SEMA3A: variants seen among roughly 807,000 people sequenced by gnomAD.
SEMA3A encodes the protein semaphorin 3A.
A neutral mutation model predicts 97.9 loss-of-function variants in SEMA3A; 29 were observed. The observed-to-expected ratio is 0.30, with a 90% CI of 0.22 to 0.40. SEMA3A has a LOEUF of 0.40. Ranked by LOEUF, SEMA3A falls within the 10% of genes least tolerant of loss-of-function variation. The pLI, the probability that SEMA3A is intolerant of heterozygous loss-of-function variation, is 1.00. For missense variants in SEMA3A, 763 were observed against 951.3 expected, an observed-to-expected ratio of 0.80 and a Z score of 2.60; for synonymous variants, 321 against 323.7, an observed-to-expected ratio of 0.99 and a Z score of 0.09.
intron 1 of SEMA3A, among the ~76,000 whole-genome samples, chr7:84,453,793 C>T (rs1449366667): frequency 1.3e-5 from 2 of 152,066 alleles, no homozygotes; most frequent in Non-Finnish European, 2.9e-5. Context: ...AAATTGTTTG[C>T]TAATTTGCAG....
intron 1 of SEMA3A, among the ~76,000 whole-genome samples, chr7:84,416,086 G>A (rs1190467523): frequency 1.3e-5 from 2 of 151,948 alleles, no homozygotes; most frequent in Non-Finnish European, 2.9e-5. Flanking sequence ...AATTTTAAAA[G>A]CCTCTAAAAG....
intron 3 of SEMA3A, among the ~76,000 whole-genome samples, chr7:84,244,433 T>C (rs1000082600): frequency 7.9e-5 from 12 of 152,192 alleles, no homozygotes; most frequent in African/African-American, 2.9e-4. Flanking sequence ...TTGCTTTCCA[T>C]TTGCTTGGTA....
At position 84,299,805 on chromosome 7, in the gene SEMA3A, A is replaced by ATAAAAAACTTACAGCTGGGAGCAGTG. The variant is rs71078822; in HGVS notation, c.-83+7401_-83+7402insCACTGCTCCCAGCTGTAAGTTTTTTA. ...AACAAGCAAACAAATGAATAAGACT[A>ATAAAAAACTTACAGCTGGGAGCAGTG]GATCACCTGAGGTCAGGAGTTTGAG... On this transcript the variant is annotated intron_variant, in intron 3 of 3. Transcript: ENST00000424555. 9.7e-5 allele frequency among the ~76,000 whole-genome samples: 8 copies of ATAAAAAACTTACAGCTGGGAGCAGTG among 82,632 alleles called. 4 individuals carry two copies. Among genetic ancestry groups the ATAAAAAACTTACAGCTGGGAGCAGTG allele is most frequent in the South Asian group, 9.5e-4 (2 of 2,108 alleles). The allele number at this position is 82,632 out of a possible 152,430, so 54.2% of individuals were successfully genotyped here.
chr7:84,066,687 T>A (rs1793515812), intron 4 of SEMA3A, among the ~76,000 whole-genome samples: 1 of 151,004 alleles, frequency 6.6e-6, no homozygotes, highest in Non-Finnish European at 1.5e-5. Context: ...TCAAAGAGAA[T>A]AAAATACCTA....
intron 3 of SEMA3A, among the ~76,000 whole-genome samples, chr7:84,301,400 G>A (rs1801014042): frequency 6.6e-6 from 1 of 152,066 alleles, no homozygotes; most frequent in South Asian, 2.1e-4. Context: ...AATAAGGCCA[G>A]AAAGCCAATG....
chr7:84,116,330 TCTTTTC>T (rs1795429457), intron 3 of SEMA3A, among the ~76,000 whole-genome samples: 1 of 152,228 alleles, frequency 6.6e-6, no homozygotes, highest in African/African-American at 2.4e-5. Flanking sequence ...ACACGTATAC[TCTTTTC>T]CTTTTCTTTC....
chr7:84,341,167 A>G (rs1278671613), intron 2 of SEMA3A, among the ~76,000 whole-genome samples: 1 of 152,204 alleles, frequency 6.6e-6, no homozygotes, highest in African/African-American at 2.4e-5. Context: ...TCATGTAGAC[A>G]TGATTTGCCA....
chr7:84,413,599 G>A (rs1804341882), intron 1 of SEMA3A, among the ~76,000 whole-genome samples: 1 of 152,114 alleles, frequency 6.6e-6, no homozygotes, highest in African/African-American at 2.4e-5. Context: ...TTGCACGCTA[G>A]CCTGGGTGAC....
chr7:84,151,450 C>T (rs964960598), intron 1 of SEMA3A, among the ~76,000 whole-genome samples: 4 of 151,654 alleles, frequency 2.6e-5, no homozygotes, highest in South Asian at 2.1e-4. Flanking sequence ...AATGCAGAAG[C>T]CTCAGGAGCC....
intron 1 of SEMA3A, among the ~76,000 whole-genome samples, chr7:84,437,249 A>C (rs1331889941): frequency 6.6e-6 from 1 of 152,058 alleles, no homozygotes; most frequent in Admixed American, 6.5e-5. Context: ...AAAAAGGAAT[A>C]ATGGAATGAA....
chr7:84,261,308 C>T (rs1412231832), intron 3 of SEMA3A, among the ~76,000 whole-genome samples: 2 of 152,170 alleles, frequency 1.3e-5, no homozygotes, highest in Non-Finnish European at 2.9e-5. Flanking sequence ...TCTTCCTGGA[C>T]ACTGAATGAG....
At chr7:84,075,386 T>C (rs1450313529) in intron 4 of SEMA3A, among the ~76,000 whole-genome samples, 1 of 151,544 alleles carries the variant, frequency 6.6e-6, no homozygotes, top group Non-Finnish European at 1.5e-5. Flanking sequence ...CTTGAACTCC[T>C]GACCTCAGGT....
At chr7:84,400,364 T>G (rs761703837) in intron 1 of SEMA3A, among the ~76,000 whole-genome samples, 4 of 152,164 alleles carry the variant, frequency 2.6e-5, no homozygotes, top group Non-Finnish European at 5.9e-5. Context: ...AATAGCTGTT[T>G]TGAGGAAGCT....
chr7:84,299,858 C>T (rs548239956), intron 3 of SEMA3A, among the ~76,000 whole-genome samples: 66 of 3,428 alleles, frequency 0.019, no homozygotes, highest in South Asian at 0.087. Context: ...GGTGAAACCT[C>T]GTCTCTACTA....
intron 4 of SEMA3A, among the ~76,000 whole-genome samples, chr7:84,072,347 T>G (rs993607597): frequency 6.6e-6 from 1 of 152,156 alleles, no homozygotes; most frequent in East Asian, 1.9e-4. Context: ...GAACATAAAC[T>G]TATTTCTGAT....
At chr7:84,142,422 G>C (rs1442342305) in intron 1 of SEMA3A, among the ~76,000 whole-genome samples, 2 of 152,084 alleles carry the variant, frequency 1.3e-5, no homozygotes, top group African/African-American at 2.4e-5. Flanking sequence ...TTTTTCTCAT[G>C]AGGAAATTGA....
chr7:84,106,849 TGCA>T, intron 4 of SEMA3A, among the ~76,000 whole-genome samples: 1 of 152,304 alleles, frequency 6.6e-6, no homozygotes, highest in Middle Eastern at 3.4e-3. Flanking sequence ...AAGAAAAAAC[TGCA>T]TGTTTAAATG....
At chr7:84,171,761 ATAT>A (rs1475990873) in intron 1 of SEMA3A, among the ~76,000 whole-genome samples, 1 of 152,122 alleles carries the variant, frequency 6.6e-6, no homozygotes, top group Non-Finnish European at 1.5e-5. Context: ...TTAAAAAAAT[ATAT>A]TAAGGGAGGA....
At chr7:84,350,741 G>C (rs895439805) in intron 2 of SEMA3A, among the ~76,000 whole-genome samples, 1 of 152,114 alleles carries the variant, frequency 6.6e-6, no homozygotes, top group African/African-American at 2.4e-5. Context: ...GAGCACAACT[G>C]TCTCAACAAA....
Sources: gnomAD v4.1 joint callset for allele counts (sites outside exome capture counted in the v4.1 genomes callset) on GRCh38, gnomAD v4.1.1 for gene constraint, MANE v1.5 for transcripts, NCBI Gene and HGNC (gene_info 2026-07-23, HGNC 2026-07-21) for gene names.